NOS1AP: variants seen among roughly 807,000 people sequenced by gnomAD.
NOS1AP encodes the protein nitric oxide synthase 1 adaptor protein.
In NOS1AP, 21 loss-of-function variants were observed where a neutral mutation model predicts 56.2. That is an observed-to-expected ratio of 0.37 (90% CI 0.26 to 0.54). NOS1AP has a LOEUF of 0.54. Ranked by LOEUF, NOS1AP falls within the 20% of genes least tolerant of loss-of-function variation. The pLI is 0.84. For missense variants in NOS1AP, 522 were observed against 657.8 expected, an observed-to-expected ratio of 0.79 and a Z score of 2.26; for synonymous variants, 270 against 274.6, an observed-to-expected ratio of 0.98 and a Z score of 0.17.
chr1:162,153,270 A>C (rs1649793562), intron 1 of NOS1AP, among the ~76,000 whole-genome samples: 1 of 152,226 alleles, frequency 6.6e-6, no homozygotes, highest in South Asian at 2.1e-4. Context: ...CTGGAATTAC[A>C]GGCATGTGCC....
chr1:162,353,077 C>T (rs928293161), intron 6 of NOS1AP, among the ~76,000 whole-genome samples: 1 of 147,664 alleles, frequency 6.8e-6, no homozygotes, highest in East Asian at 2.0e-4. Flanking sequence ...GTGCTTTCTG[C>T]CCCCTGACGA....
intron 2 of NOS1AP, among the ~76,000 whole-genome samples, chr1:162,286,021 T>C (rs1257974695): frequency 6.6e-6 from 1 of 152,170 alleles, no homozygotes; most frequent in Non-Finnish European, 1.5e-5. Context: ...GTATCAACAA[T>C]AACTCTGTAC....
intron 2 of NOS1AP, among the ~76,000 whole-genome samples, chr1:162,210,662 G>A (rs532689086): frequency 1.3e-5 from 2 of 152,176 alleles, no homozygotes; most frequent in South Asian, 2.1e-4. Context: ...CCAGATACTC[G>A]CCTGCTTCAA....
At chr1:162,196,318 C>G (rs1280777250) in intron 2 of NOS1AP, among the ~76,000 whole-genome samples, 1 of 152,166 alleles carries the variant, frequency 6.6e-6, no homozygotes, top group East Asian at 1.9e-4. Context: ...TTTTATTCAC[C>G]AATGCTGTCT....
intron 2 of NOS1AP, among the ~76,000 whole-genome samples, chr1:162,231,532 A>G (rs1653125630): frequency 6.6e-6 from 1 of 152,080 alleles, no homozygotes. Context: ...TTAATAATAT[A>G]TTTTATTTAA....
chr1:162,334,564 C>T (rs193136740), intron 5 of NOS1AP, among the ~76,000 whole-genome samples: 15 of 152,206 alleles, frequency 9.9e-5, no homozygotes, highest in African/African-American at 3.4e-4. Flanking sequence ...CCCTGATGGT[C>T]ATGAATTGGC....
At chr1:162,270,710 G>T (rs17459699) in intron 2 of NOS1AP, among the ~76,000 whole-genome samples, 3,857 of 152,340 alleles carry the variant, frequency 0.025, 69 homozygotes, top group Non-Finnish European at 0.038. Context: ...TTGAAATATT[G>T]TAGCGTAGTA....
Position 162,281,849 on chromosome 1 carries a change from G to A in NOS1AP, c.178-5495G>A, listed in dbSNP as rs560343498. On this transcript the variant is annotated intron_variant, in intron 2 of 9. Transcript: ENST00000361897. Reference sequence around the variant, plus strand: ...AAATTTACCATTTTAGGCCGGGCGCGGTGGCTCACGCCTGTAATCCAAGCA... The same window carrying A: ...AAATTTACCATTTTAGGCCGGGCGCAGTGGCTCACGCCTGTAATCCAAGCA... Among the ~76,000 whole-genome samples the A allele has an allele frequency of 2.8e-4, 42 of 152,310 alleles. 1 individual carries two copies. Among genetic ancestry groups the A allele is most frequent in the African/African-American group, 9.1e-4 (38 of 41,572 alleles).
chr1:162,359,501 G>A (rs779259317), intron 8 of NOS1AP, among the ~76,000 whole-genome samples: 1 of 152,182 alleles, frequency 6.6e-6, no homozygotes, highest in Non-Finnish European at 1.5e-5. Flanking sequence ...TCCTGCAGAC[G>A]GATTCGGTCC....
chr1:162,148,932 G>A (rs1442183610), intron 1 of NOS1AP, among the ~76,000 whole-genome samples: 1 of 152,192 alleles, frequency 6.6e-6, no homozygotes, highest in Admixed American at 6.5e-5. Context: ...TGACGGGTAA[G>A]GGAGAAGCAC....
intron 1 of NOS1AP, among the ~76,000 whole-genome samples, chr1:162,152,252 TC>T (rs1649748915): frequency 6.6e-6 from 1 of 152,020 alleles, no homozygotes. Flanking sequence ...GACTATACAG[TC>T]CCCCAGGCTC....
At chr1:162,256,961 A>C (rs1654048696) in intron 2 of NOS1AP, among the ~76,000 whole-genome samples, 1 of 152,202 alleles carries the variant, frequency 6.6e-6, no homozygotes, top group Admixed American at 6.5e-5. Flanking sequence ...CCAACCACTT[A>C]CAGGGCATTC....
chr1:162,278,699 G>A (rs954114956), intron 2 of NOS1AP, among the ~76,000 whole-genome samples: 6 of 151,478 alleles, frequency 4.0e-5, no homozygotes, highest in African/African-American at 1.5e-4. Flanking sequence ...GTGTGTGTGT[G>A]TGTGTGTGTG....
chr1:162,244,906 A>C (rs1010694480), intron 2 of NOS1AP, among the ~76,000 whole-genome samples: 1 of 152,184 alleles, frequency 6.6e-6, no homozygotes, highest in African/African-American at 2.4e-5. Context: ...GGCATGCATG[A>C]GTATACATGC....
chr1:162,289,676 A>G lies in NOS1AP; in HGVS notation c.270+2240A>G, dbSNP rs540631080. Among the ~76,000 whole-genome samples, 453 of 152,012 alleles carry G rather than the reference A, an allele frequency of 3.0e-3. 1 individual carries two copies. The highest frequency in any genetic ancestry group is 4.7e-3 in the Non-Finnish European group (321 of 67,980). On this transcript the variant is annotated intron_variant, in intron 3 of 9. Transcript: ENST00000361897. The stretch of plus-strand genomic sequence containing the variant: ...TTTTTAGTAGAGACAGGGTTTCGCC[A>G]TGGTGGCCAGGTGGTCTCGAACTCC...
intron 2 of NOS1AP, among the ~76,000 whole-genome samples, chr1:162,237,259 G>T (rs1251086909): frequency 6.6e-6 from 1 of 152,224 alleles, no homozygotes; most frequent in Admixed American, 6.5e-5. Flanking sequence ...TGTGCTGGTG[G>T]AATCTAATGT....
intron 2 of NOS1AP, among the ~76,000 whole-genome samples, chr1:162,253,315 A>C (rs1327156901): frequency 6.6e-6 from 1 of 152,212 alleles, no homozygotes; most frequent in Admixed American, 6.5e-5. Flanking sequence ...ATTTCTGTTC[A>C]TTATAAATTA....
intron 1 of NOS1AP, among the ~76,000 whole-genome samples, chr1:162,111,789 C>T (rs982658636): frequency 2.0e-5 from 3 of 152,126 alleles, no homozygotes; most frequent in East Asian, 1.9e-4. Context: ...TCACAGTCAT[C>T]GAGAAGCTGC....
At chr1:162,111,325 T>C (rs543949914) in intron 1 of NOS1AP, among the ~76,000 whole-genome samples, 2 of 152,188 alleles carry the variant, frequency 1.3e-5, no homozygotes, top group African/African-American at 4.8e-5. Context: ...ATGAAAGCCA[T>C]TGGAGAGGCA....
Sources: allele counts gnomAD v4.1 joint callset (sites outside exome capture counted in the v4.1 genomes callset), GRCh38; gene constraint gnomAD v4.1.1; transcripts MANE v1.5; gene names NCBI Gene and HGNC (gene_info 2026-07-23, HGNC 2026-07-21).